AGBL4: variants seen among roughly 807,000 people sequenced by gnomAD.
AGBL4 encodes the protein AGBL carboxypeptidase 4.
AGBL4 carries 58 observed loss-of-function variants against 66.4 expected under a neutral mutation model. The ratio of observed to expected loss-of-function variants is 0.87; its 90% CI spans 0.71 to 1.09. The LOEUF (loss-of-function observed/expected upper bound fraction) is 1.09. AGBL4 is among the 50% of genes least tolerant of loss of function. The pLI, the probability that AGBL4 is intolerant of heterozygous loss-of-function variation, is 0.00. For missense variants in AGBL4, 579 were observed against 631.0 expected (o/e 0.92, Z 0.88); for synonymous variants, 234 against 222.9 (o/e 1.05, Z -0.44).
intron 5 of AGBL4, among the ~76,000 whole-genome samples, chr1:49,032,381 T>C (rs1339167662): frequency 2.6e-5 from 4 of 152,180 alleles, no homozygotes; most frequent in Non-Finnish European, 4.4e-5. Context: ...AAGATGTCAG[T>C]AGAAGAGAAT....
intron 2 of AGBL4, among the ~76,000 whole-genome samples, chr1:49,707,934 T>C (rs1419602864): frequency 6.6e-6 from 1 of 152,198 alleles, no homozygotes; most frequent in African/African-American, 2.4e-5. Context: ...GTTAGTCTGA[T>C]GGGCTTCCTT....
chr1:49,555,020 A>G (rs957584816), intron 3 of AGBL4, among the ~76,000 whole-genome samples: 1 of 152,212 alleles, frequency 6.6e-6, no homozygotes, highest in African/African-American at 2.4e-5. Flanking sequence ...GAAGAGCAAA[A>G]GAACAAAGCT....
At chr1:49,043,798 A>T (rs1164359844) in intron 5 of AGBL4, among the ~76,000 whole-genome samples, 2 of 152,212 alleles carry the variant, frequency 1.3e-5, no homozygotes, top group Non-Finnish European at 2.9e-5. Context: ...GACTACAAGA[A>T]TAACATGACC....
intron 3 of AGBL4, among the ~76,000 whole-genome samples, chr1:49,651,286 A>G (rs1645999753): frequency 6.6e-6 from 1 of 152,016 alleles, no homozygotes; most frequent in African/African-American, 2.4e-5. Context: ...CCCTCTCCCC[A>G]AGACCTCAGC....
chr1:48,949,327 C>T (rs1045928404), intron 5 of AGBL4, among the ~76,000 whole-genome samples: 2 of 152,052 alleles, frequency 1.3e-5, no homozygotes, highest in South Asian at 2.1e-4. Flanking sequence ...GTAGGTAGAC[C>T]GAGATTGGTC....
At chr1:49,892,595 C>A (rs1010304986) in intron 1 of AGBL4, among the ~76,000 whole-genome samples, 2 of 152,118 alleles carry the variant, frequency 1.3e-5, no homozygotes, top group Non-Finnish European at 2.9e-5. Context: ...ATCTCCCTAC[C>A]ATTTCTTTTC....
At chr1:49,107,512 G>T (rs886452615) in intron 4 of AGBL4, among the ~76,000 whole-genome samples, 1 of 152,110 alleles carries the variant, frequency 6.6e-6, no homozygotes, top group Non-Finnish European at 1.5e-5. Context: ...TTAAGAGCAG[G>T]TGTGACTAAA....
intron 3 of AGBL4, among the ~76,000 whole-genome samples, chr1:49,450,457 G>A (rs1646254434): frequency 6.6e-6 from 1 of 152,026 alleles, no homozygotes; most frequent in South Asian, 2.1e-4. Flanking sequence ...TGACTACAAA[G>A]CCTTGCACAA....
At chr1:48,955,717 GA>G (rs1401898880) in intron 5 of AGBL4, among the ~76,000 whole-genome samples, 3 of 152,208 alleles carry the variant, frequency 2.0e-5, no homozygotes, top group Non-Finnish European at 4.4e-5. Flanking sequence ...TGGTATAATT[GA>G]AAAAACGAGA....
At chr1:49,231,018 A>G (rs1440400458) in intron 4 of AGBL4, among the ~76,000 whole-genome samples, 2 of 152,246 alleles carry the variant, frequency 1.3e-5, no homozygotes, top group Non-Finnish European at 2.9e-5. Context: ...TAATAAAAGC[A>G]GACATTCATA....
chr1:49,773,298 T>C (rs1226557923), intron 2 of AGBL4, among the ~76,000 whole-genome samples: 1 of 152,238 alleles, frequency 6.6e-6, no homozygotes, highest in Non-Finnish European at 1.5e-5. Flanking sequence ...AATATCCTTT[T>C]CTTTAGGACC....
At chr1:49,719,669 C>A (rs928598795) in intron 2 of AGBL4, among the ~76,000 whole-genome samples, 3 of 152,016 alleles carry the variant, frequency 2.0e-5, no homozygotes, top group South Asian at 4.2e-4. Context: ...CTTGAAAAAG[C>A]CTTTTATGTG....
At chr1:48,857,462 C>T (rs1460213135) in intron 6 of AGBL4, among the ~76,000 whole-genome samples, 2 of 152,182 alleles carry the variant, frequency 1.3e-5, no homozygotes, top group East Asian at 3.8e-4. Context: ...GTGGCTCGTG[C>T]CTGTAATCCC....
chr1:49,541,873 A>T (rs972845827), intron 3 of AGBL4, among the ~76,000 whole-genome samples: 1 of 152,060 alleles, frequency 6.6e-6, no homozygotes, highest in African/African-American at 2.4e-5. Context: ...AAGGTTTGTA[A>T]ATGCACCAAT....
chr1:49,615,447 T>C (rs1645232525), intron 3 of AGBL4, among the ~76,000 whole-genome samples: 1 of 152,090 alleles, frequency 6.6e-6, no homozygotes, highest in African/African-American at 2.4e-5. Flanking sequence ...TCACATAAAA[T>C]GTTCTGAATT....
intron 6 of AGBL4, among the ~76,000 whole-genome samples, chr1:48,829,146 C>A (rs1230923681): frequency 6.6e-6 from 1 of 152,188 alleles, no homozygotes; most frequent in African/African-American, 2.4e-5. Context: ...GAGCACTTGC[C>A]ATATGCCAGG....
At chr1:49,024,619 C>T (rs1372848668) in intron 5 of AGBL4, among the ~76,000 whole-genome samples, 1 of 152,126 alleles carries the variant, frequency 6.6e-6, no homozygotes, top group African/African-American at 2.4e-5. Context: ...GAAGGTTTGA[C>T]TGAGAAAATA....
intron 1 of AGBL4, among the ~76,000 whole-genome samples, chr1:50,014,447 T>G (rs978881531): frequency 4.6e-5 from 7 of 151,714 alleles, no homozygotes; most frequent in Admixed American, 3.9e-4. Context: ...CTAATACAAA[T>G]GTTATTAGAT....
intron 2 of AGBL4, among the ~76,000 whole-genome samples, chr1:49,738,792 C>A (rs1650137449): frequency 6.6e-6 from 1 of 152,216 alleles, no homozygotes; most frequent in South Asian, 2.1e-4. Context: ...CCCAGGCAAA[C>A]AGGGTCTGGA....
Sources: gnomAD v4.1 joint callset for allele counts (sites outside exome capture counted in the v4.1 genomes callset) on GRCh38, gnomAD v4.1.1 for gene constraint, MANE v1.5 for transcripts, NCBI Gene and HGNC (gene_info 2026-07-23, HGNC 2026-07-21) for gene names.